Variants in KCNIP4 observed in about 807,000 individuals in gnomAD.
KCNIP4 encodes the protein Kv channel-interacting protein 4.
Under a neutral mutation model 34.0 loss-of-function variants are expected in KCNIP4, and 12 were observed. That is an observed-to-expected ratio of 0.35 (90% CI 0.23 to 0.57). The LOEUF is 0.57. Ranked by LOEUF, KCNIP4 falls within the 20% of genes least tolerant of loss-of-function variation. The pLI, the probability that KCNIP4 is intolerant of heterozygous loss-of-function variation, is 0.83. For synonymous variants in KCNIP4, 124 were observed against 102.2 expected (o/e 1.21, Z -1.29); for missense variants, 238 against 311.7 (o/e 0.76, Z 1.78).
chr4:21,558,009 T>C (rs1407460557), intron 1 of KCNIP4, among the ~76,000 whole-genome samples: 1 of 152,146 alleles, frequency 6.6e-6, no homozygotes, highest in Non-Finnish European at 1.5e-5. Context: ...GAATACAGTC[T>C]ACTGTGAGCA....
chr4:21,629,114 C>T (rs1008751948), intron 1 of KCNIP4, among the ~76,000 whole-genome samples: 2 of 152,086 alleles, frequency 1.3e-5, no homozygotes, highest in Non-Finnish European at 2.9e-5. Context: ...ATGGTTGGGA[C>T]TTAGCAGGAG....
intron 1 of KCNIP4, among the ~76,000 whole-genome samples, chr4:20,978,964 A>G (rs1360943511): frequency 3.3e-5 from 5 of 152,134 alleles, no homozygotes; most frequent in Non-Finnish European, 5.9e-5. Flanking sequence ...GTAATTATTA[A>G]AGTTAGATAA....
intron 1 of KCNIP4, among the ~76,000 whole-genome samples, chr4:21,666,201 C>T (rs1748944318): frequency 6.6e-6 from 1 of 152,166 alleles, no homozygotes; most frequent in South Asian, 2.1e-4. Context: ...AAGATGAAGA[C>T]ATAGTGCATT....
intron 1 of KCNIP4, among the ~76,000 whole-genome samples, chr4:21,592,897 T>C (rs2109099158): frequency 6.6e-6 from 1 of 152,236 alleles, no homozygotes; most frequent in South Asian, 2.1e-4. Context: ...TGCCCCTTAG[T>C]TTCATTTCAA....
chr4:21,801,550 C>T (rs2052691473), intron 1 of KCNIP4, among the ~76,000 whole-genome samples: 2 of 152,068 alleles, frequency 1.3e-5, no homozygotes, highest in Admixed American at 1.3e-4. Flanking sequence ...CTGCCCAGAA[C>T]ACTGCTTGGA....
chr4:21,395,607 C>T (rs1474132345), intron 1 of KCNIP4, among the ~76,000 whole-genome samples: 1 of 151,818 alleles, frequency 6.6e-6, no homozygotes, highest in Non-Finnish European at 1.5e-5. Context: ...AAGAGGGTAC[C>T]AGAAAAGTTT....
chr4:20,833,846 T>C (rs931936890), intron 3 of KCNIP4, among the ~76,000 whole-genome samples: 2 of 152,184 alleles, frequency 1.3e-5, no homozygotes, highest in Non-Finnish European at 2.9e-5. Context: ...ATTAGTAGTG[T>C]TTATTTTATA....
chr4:21,842,770 C>T (rs1367135561), intron 1 of KCNIP4, among the ~76,000 whole-genome samples: 1 of 151,992 alleles, frequency 6.6e-6, no homozygotes, highest in Non-Finnish European at 1.5e-5. Context: ...ATTAAGGTAA[C>T]ATTATTACAA....
At chr4:21,360,583 A>G (rs1021367213) in intron 1 of KCNIP4, among the ~76,000 whole-genome samples, 2 of 152,122 alleles carry the variant, frequency 1.3e-5, no homozygotes, top group East Asian at 1.9e-4. Context: ...TGAGAATACA[A>G]TGAAAATTAA....
intron 1 of KCNIP4, among the ~76,000 whole-genome samples, chr4:21,452,414 C>T (rs1361942820): frequency 8.0e-6 from 1 of 124,634 alleles, no homozygotes; most frequent in Non-Finnish European, 1.8e-5. Flanking sequence ...ATTGGCACTG[C>T]TCAGTGGGTT....
chr4:21,220,049 A>G (rs951814511), intron 1 of KCNIP4, among the ~76,000 whole-genome samples: 3 of 152,180 alleles, frequency 2.0e-5, no homozygotes, highest in Non-Finnish European at 2.9e-5. Flanking sequence ...GAATAATGAA[A>G]CACAAAGAAG....
At chr4:21,187,496 A>C (rs114521135) in intron 1 of KCNIP4, among the ~76,000 whole-genome samples, 2,899 of 152,256 alleles carry the variant, frequency 0.019, 57 homozygotes, top group Non-Finnish European at 0.026. Context: ...AATTCGTTAA[A>C]ATTCATTTTT....
intron 1 of KCNIP4, among the ~76,000 whole-genome samples, chr4:21,593,249 A>C (rs2109100259): frequency 6.6e-6 from 1 of 152,124 alleles, no homozygotes; most frequent in South Asian, 2.1e-4. Flanking sequence ...TCAAGAATAA[A>C]ATTCTTAACT....
At chr4:20,947,107 T>C (rs1283767081) in intron 1 of KCNIP4, among the ~76,000 whole-genome samples, 2 of 152,162 alleles carry the variant, frequency 1.3e-5, no homozygotes, top group Non-Finnish European at 2.9e-5. Context: ...GTCTGTTTCC[T>C]CTGTTATCAT....
At chr4:21,526,362 A>G (rs1458536996) in intron 1 of KCNIP4, among the ~76,000 whole-genome samples, 1 of 152,032 alleles carries the variant, frequency 6.6e-6, no homozygotes, top group African/African-American at 2.4e-5. Flanking sequence ...TTCATCTTCT[A>G]CCATGATTTT....
chr4:21,208,869 C>A (rs1321271186), intron 1 of KCNIP4, among the ~76,000 whole-genome samples: 1 of 152,028 alleles, frequency 6.6e-6, no homozygotes, highest in African/African-American at 2.4e-5. Context: ...AGCAAGACAC[C>A]TTCTTCACAA....
chr4:21,212,968 G>A (rs1376403369), intron 1 of KCNIP4, among the ~76,000 whole-genome samples: 3 of 152,156 alleles, frequency 2.0e-5, no homozygotes, highest in Admixed American at 6.5e-5. Context: ...AATTTCATTG[G>A]AGAGGTGATT....
chr4:21,257,843 CA>C (rs1761174662), intron 1 of KCNIP4, among the ~76,000 whole-genome samples: 3 of 151,980 alleles, frequency 2.0e-5, no homozygotes. Context: ...CTCTGATGTG[CA>C]TCAAGGTTTA....
chr4:21,152,206 T>C (rs191183103), intron 1 of KCNIP4, among the ~76,000 whole-genome samples: 2 of 152,266 alleles, frequency 1.3e-5, no homozygotes, highest in Admixed American at 1.3e-4. Context: ...TGAGCCCAGA[T>C]AGCACCACTG....
Sources: allele counts gnomAD v4.1 joint callset (sites outside exome capture counted in the v4.1 genomes callset), GRCh38; gene constraint gnomAD v4.1.1; transcripts MANE v1.5; gene names NCBI Gene and HGNC (gene_info 2026-07-23, HGNC 2026-07-21).